Variants in MICU1 observed in about 807,000 individuals in gnomAD.
MICU1 encodes the protein calcium uptake protein 1, mitochondrial.
A neutral mutation model predicts 56.8 loss-of-function variants in MICU1; 45 were observed. The ratio of observed to expected loss-of-function variants is 0.79; its 90% CI spans 0.62 to 1.02. The LOEUF (loss-of-function observed/expected upper bound fraction) is 1.02, where lower values mean the gene tolerates loss of function less well. Among genes scored for constraint, MICU1 ranks in the 50% least tolerant of loss-of-function variants. MICU1 has a pLI of 0.00. For synonymous variants in MICU1, 186 were observed against 195.1 expected, an observed-to-expected ratio of 0.95 and a Z score of 0.39; for missense variants, 504 against 587.1, an observed-to-expected ratio of 0.86 and a Z score of 1.46.
chr10:72,435,843 G>A (rs7893607), intron 8 of MICU1, among the ~76,000 whole-genome samples: 70,714 of 152,226 alleles, frequency 0.46, 20,281 homozygotes, highest in Non-Finnish European at 0.67. Flanking sequence ...GGGGAGAGGT[G>A]TCCACCATTG....
At chr10:72,570,380 G>T (rs1840578516) in intron 1 of MICU1, among the ~76,000 whole-genome samples, 1 of 151,860 alleles carries the variant, frequency 6.6e-6, no homozygotes, top group South Asian at 2.1e-4. Context: ...CACAGGACTT[G>T]TTACATTATT....
intron 6 of MICU1, among the ~76,000 whole-genome samples, chr10:72,489,881 C>A (rs1409931463): frequency 6.6e-6 from 1 of 152,126 alleles, no homozygotes; most frequent in East Asian, 1.9e-4. Context: ...GAAATTTAAG[C>A]CACATCTGGG....
intron 1 of MICU1, among the ~76,000 whole-genome samples, chr10:72,612,433 T>C (rs544434760): frequency 1.0e-3 from 159 of 152,264 alleles, no homozygotes; most frequent in Non-Finnish European, 1.7e-3. Context: ...GAGCATGAAA[T>C]TAAAACCTCT....
In MICU1 at chr10:72,407,272, A is replaced by T. The variant is rs145608468; in HGVS notation, c.1180+657T>A. 3.9e-3 allele frequency among the ~76,000 whole-genome samples: 600 copies of T among 152,314 alleles called. 4 individuals carry two copies. The highest frequency in any genetic ancestry group is 0.013 in the African/African-American group (555 of 41,574). ...AAATAAGATCAATGATTACTTAGAG[A>T]GGTGAAAATATGCATAGTCATACGA... On this transcript the variant is annotated intron_variant, in intron 10 of 11. Coordinates refer to ENST00000361114, the MANE Select transcript of MICU1 (RefSeq NM_001195518.2).
intron 10 of MICU1, among the ~76,000 whole-genome samples, chr10:72,380,641 G>A (rs187238907): frequency 6.6e-6 from 1 of 152,314 alleles, no homozygotes; most frequent in African/African-American, 2.4e-5. Flanking sequence ...CTTAGAACTG[G>A]AAGATACCTC....
At chr10:72,405,753 C>T (rs577320737) in intron 10 of MICU1, among the ~76,000 whole-genome samples, 1 of 152,102 alleles carries the variant, frequency 6.6e-6, no homozygotes, top group South Asian at 2.1e-4. Flanking sequence ...AGCCATATGA[C>T]CATTTCAATA....
intron 1 of MICU1, among the ~76,000 whole-genome samples, chr10:72,601,802 CTTTTTTTTTTTTTTT>C (rs57049836): frequency 0.63 from 90,491 of 143,766 alleles, 28,478 homozygotes; most frequent in Non-Finnish European, 0.69. Flanking sequence ...TTTTCTTTTT[CTTTTTTTTTTTTTTT>C]GAGGCAGAGT....
At chr10:72,423,092 C>T in intron 9 of MICU1, 142 bp downstream of exon 9, 4 of 1,124,140 alleles carry the variant, frequency 3.6e-6, no homozygotes, top group Non-Finnish European at 4.9e-6. Flanking sequence ...TCTTTTCTCC[C>T]TACGGACCTC....
chr10:72,604,708 G>A (rs768577703), intron 1 of MICU1, among the ~76,000 whole-genome samples: 1 of 152,058 alleles, frequency 6.6e-6, no homozygotes, highest in African/African-American at 2.4e-5. Flanking sequence ...GATCACAAAT[G>A]AAAGTGCTAC....
At chr10:72,456,848 T>TG (rs1457262335) in intron 8 of MICU1, among the ~76,000 whole-genome samples, 13 of 120,370 alleles carry the variant, frequency 1.1e-4, no homozygotes, top group Non-Finnish European at 1.7e-4. Flanking sequence ...CCGGGCTCAT[T>TG]TTGTGTGTGT....
intron 8 of MICU1, among the ~76,000 whole-genome samples, chr10:72,455,803 C>G (rs1865440990): frequency 6.6e-6 from 1 of 151,798 alleles, no homozygotes; most frequent in Non-Finnish European, 1.5e-5. Flanking sequence ...GGGACTAAAC[C>G]TCTATATCCT....
chr10:72,549,225 C>G (rs1027287231), intron 4 of MICU1, among the ~76,000 whole-genome samples: 2 of 142,526 alleles, frequency 1.4e-5, no homozygotes, highest in African/African-American at 5.2e-5. Flanking sequence ...GGGTCTGGCT[C>G]TATTGTCCAG....
chr10:72,464,649 G>A (rs1451268457), intron 8 of MICU1, among the ~76,000 whole-genome samples: 1 of 152,074 alleles, frequency 6.6e-6, no homozygotes, highest in Non-Finnish European at 1.5e-5. Context: ...TGCACTCTAC[G>A]ATGTTTGCAC....
intron 1 of MICU1, among the ~76,000 whole-genome samples, chr10:72,611,523 AG>A (rs1390272186): frequency 2.0e-5 from 3 of 152,036 alleles, no homozygotes; most frequent in Admixed American, 2.0e-4. Flanking sequence ...CGAAAGGCTG[AG>A]GCAGGAGAAT....
chr10:72,586,380 G>A (rs1793188070), intron 1 of MICU1, among the ~76,000 whole-genome samples: 1 of 152,052 alleles, frequency 6.6e-6, no homozygotes, highest in Non-Finnish European at 1.5e-5. Flanking sequence ...GCCAGGCACT[G>A]TGGCTCACAC....
At chr10:72,576,973 T>C (rs7077828) in intron 1 of MICU1, among the ~76,000 whole-genome samples, 89,340 of 152,056 alleles carry the variant, frequency 0.59, 27,547 homozygotes, top group Non-Finnish European at 0.68. Flanking sequence ...GAAAATGTGG[T>C]GTATATACAC....
At chr10:72,618,551 AT>A (rs1329710496) in intron 1 of MICU1, among the ~76,000 whole-genome samples, 27 of 152,254 alleles carry the variant, frequency 1.8e-4, no homozygotes, top group African/African-American at 6.3e-4. Flanking sequence ...GAAAAAAATA[AT>A]AATGCTACTT....
At chr10:72,445,049 T>C (rs1180926707) in intron 8 of MICU1, among the ~76,000 whole-genome samples, 5 of 152,206 alleles carry the variant, frequency 3.3e-5, no homozygotes, top group African/African-American at 1.2e-4. Context: ...AAGCTCCATT[T>C]GCTCCTTTGC....
chr10:72,497,251 C>T (rs529802284), intron 6 of MICU1, among the ~76,000 whole-genome samples: 1 of 151,792 alleles, frequency 6.6e-6, no homozygotes, highest in East Asian at 2.0e-4. Flanking sequence ...GTAGAGATGG[C>T]GTTTCACCAT....
Sources: gnomAD v4.1 joint callset for allele counts (sites outside exome capture counted in the v4.1 genomes callset) on GRCh38, gnomAD v4.1.1 for gene constraint, MANE v1.5 for transcripts, NCBI Gene and HGNC (gene_info 2026-07-23, HGNC 2026-07-21) for gene names.